TGFBRAP1: variants seen among roughly 807,000 people sequenced by gnomAD.
The protein encoded by TGFBRAP1 is transforming growth factor-beta receptor-associated protein 1.
A neutral mutation model predicts 83.2 loss-of-function variants in TGFBRAP1; 20 were observed. The ratio of observed to expected loss-of-function variants is 0.24; its 90% confidence interval spans 0.17 to 0.35. The LOEUF (loss-of-function observed/expected upper bound fraction) is 0.35. Ranked by LOEUF, TGFBRAP1 falls within the 10% of genes least tolerant of loss-of-function variation. The pLI is 1.00. For missense variants in TGFBRAP1, 950 were observed against 1,099.4 expected, an observed-to-expected ratio of 0.86 and a Z score of 1.92; for synonymous variants, 415 against 459.8, an observed-to-expected ratio of 0.90 and a Z score of 1.25.
At position 105,308,002 on chromosome 2, in the gene TGFBRAP1, G is replaced by A; in HGVS notation, c.300C>T (p.Ser100=). The part of the protein sequence containing the change: ...RLLVLCDNSI[S]LVNMLNLEPV... Reference sequence around the variant, plus strand: ...GCTCGAGGTTCAGCATGTTGACCAGGCTGATGGAGTTGTCACACAGCACCA... The same window carrying A: ...GCTCGAGGTTCAGCATGTTGACCAGACTGATGGAGTTGTCACACAGCACCA... Residue 100 remains serine, a synonymous_variant, in exon 2 of 12, where the codon AGC becomes AGT. Transcript: ENST00000393359. 3 of 1,614,204 alleles carry A rather than the reference G, an allele frequency of 1.9e-6. No homozygotes were observed. The highest frequency in any genetic ancestry group is 2.5e-6 in the Non-Finnish European group (3 of 1,180,042).
chr2:105,321,952 A>T (rs753655926), intron 1 of TGFBRAP1, among the ~76,000 whole-genome samples: 10 of 152,210 alleles, frequency 6.6e-5, no homozygotes, highest in Admixed American at 6.5e-5. Context: ...GCGTACACCT[A>T]CTTATGCAGG....
rs1489776099 is a variant in TGFBRAP1 at position 105,329,704 on chromosome 2, G to GGT, written c.-98_-97insAC. On this transcript the variant is annotated 5_prime_UTR_variant, in exon 1 of 12. Coordinates refer to ENST00000393359, the MANE Select transcript of TGFBRAP1 (RefSeq NM_004257.6). The stretch of plus-strand genomic sequence containing the variant: ...CGCTCCGGCCCGCGGCTCCTGGGCT[G>GGT]GCCCGACCCCGCAGCCGCCGCTTCC... 19 of 146,834 alleles carry GGT rather than the reference G, an allele frequency of 1.3e-4. No homozygotes were observed. Among genetic ancestry groups the GGT allele is most frequent in the African/African-American group, 4.4e-4 (18 of 40,798 alleles). The allele number at this position is 146,834 out of a possible 1,614,324, so 9.1% of individuals were successfully genotyped here.
intron 6 of TGFBRAP1, among the ~76,000 whole-genome samples, chr2:105,279,351 G>C (rs376694042): frequency 1.4e-4 from 22 of 152,194 alleles, no homozygotes; most frequent in African/African-American, 5.1e-4. Flanking sequence ...TCAAACTCCT[G>C]GGCTCAAGCA....
At chr2:105,255,923 A>G in the TGFBRAP1 span, among the ~76,000 whole-genome samples, 1 of 151,434 alleles carries the variant, frequency 6.6e-6, no homozygotes, top group Non-Finnish European at 1.5e-5. Context: ...GTGGCCCTGC[A>G]TGGGATGCTG....
chr2:105,299,050 G>A (rs771163294), intron 2 of TGFBRAP1, among the ~76,000 whole-genome samples: 10 of 152,098 alleles, frequency 6.6e-5, no homozygotes, highest in East Asian at 1.9e-4. Context: ...AGACAGAGGC[G>A]GGCAGATGGT....
At chr2:105,267,588 C>T (rs1409041436) in intron 11 of TGFBRAP1, 29 bp from the exon 12 acceptor site, 1 of 1,613,368 alleles carries the variant, frequency 6.2e-7, no homozygotes, top group Non-Finnish European at 8.5e-7. Context: ...ACTGAGAATG[C>T]TGTCATGTGT....
At chr2:105,258,861 A>G in the TGFBRAP1 span, among the ~76,000 whole-genome samples, 2,654 of 152,250 alleles carry the variant, frequency 0.017, 87 homozygotes, top group African/African-American at 0.062. Context: ...TGGCAGTGGG[A>G]AAAGCTGACC....
At position 105,327,948 on chromosome 2, in the gene TGFBRAP1, T is replaced by A. The variant is rs1679270312; in HGVS notation, c.-18+1677A>T. Among the ~76,000 whole-genome samples the A allele has an allele frequency of 2.6e-5, 4 of 152,194 alleles. No homozygotes were observed. In the South Asian group the frequency reaches 8.3e-4, roughly 31 times the overall value. Reference sequence around the variant, plus strand: ...CCCACAAGTCTAACTCCAGAGTAAATCATTTGTTAGGTTAACAATTACTCA... The same window carrying A: ...CCCACAAGTCTAACTCCAGAGTAAAACATTTGTTAGGTTAACAATTACTCA... On this transcript the variant is annotated intron_variant, in intron 1 of 11. Coordinates refer to ENST00000393359, the MANE Select transcript of TGFBRAP1 (RefSeq NM_004257.6).
rs1676896718 is a variant in TGFBRAP1 at position 105,265,460 on chromosome 2, CTCTG to C, written c.*1919_*1922del. On this transcript the variant is annotated 3_prime_UTR_variant, in exon 12 of 12. Transcript: ENST00000393359. ...CTCCAGCCTGGGTGACAGAGTGAGA[CTCTG>C]TCTGTGTGTTAGGAATGAGAAATTA... 6.6e-6 allele frequency: 1 copy of C among 152,550 alleles called. No individual in the cohort carries two copies. The highest frequency in any genetic ancestry group is 2.1e-4 in the South Asian group (1 of 4,830). The allele number at this position is 152,550 out of a possible 1,614,324, so 9.4% of individuals were successfully genotyped here.
chr2:105,252,046 C>A, the TGFBRAP1 span, among the ~76,000 whole-genome samples: 1 of 150,596 alleles, frequency 6.6e-6, no homozygotes, highest in Admixed American at 6.6e-5. Context: ...AACCAGAGAC[C>A]TTTGTTCACT....
chr2:105,276,562 T>C (rs1243269265), intron 7 of TGFBRAP1, among the ~76,000 whole-genome samples: 1 of 152,210 alleles, frequency 6.6e-6, no homozygotes, highest in Non-Finnish European at 1.5e-5. Flanking sequence ...TACCTTGAAA[T>C]ATGCCATTTT....
intron 1 of TGFBRAP1, among the ~76,000 whole-genome samples, chr2:105,323,925 T>C (rs566880592): frequency 3.9e-5 from 6 of 152,106 alleles, no homozygotes; most frequent in Non-Finnish European, 7.4e-5. Flanking sequence ...CCCATGGGAA[T>C]TGGAGGAGTT....
intron 3 of TGFBRAP1, 101 bp from the exon 4 acceptor site, chr2:105,296,611 A>G: frequency 7.6e-7 from 1 of 1,314,458 alleles, no homozygotes; most frequent in Non-Finnish European, 1.0e-6. Flanking sequence ...TTTGTTCAAC[A>G]ACTTCACCAT....
chr2:105,292,939 C>A (rs891394668), intron 4 of TGFBRAP1, among the ~76,000 whole-genome samples: 1 of 152,008 alleles, frequency 6.6e-6, no homozygotes, highest in African/African-American at 2.4e-5. Context: ...GGAGAACTAT[C>A]CCATGTGACA....
intron 1 of TGFBRAP1, among the ~76,000 whole-genome samples, chr2:105,319,890 AATAT>A (rs1363469724): frequency 6.6e-6 from 1 of 150,794 alleles, no homozygotes. Flanking sequence ...TATATATTGA[AATAT>A]ATATATTTGT....
chr2:105,324,535 T>C (rs1374013705), intron 1 of TGFBRAP1, among the ~76,000 whole-genome samples: 1 of 152,228 alleles, frequency 6.6e-6, no homozygotes, highest in East Asian at 1.9e-4. Flanking sequence ...GAGCCACTTT[T>C]AGAGGTGATT....
At position 105,264,906 on chromosome 2, in the gene TGFBRAP1, C is replaced by T. The variant is rs940300580; in HGVS notation, c.*2477G>A. Reference sequence around the variant, plus strand: ...GTCTGATGGATCTAATTGCTCTATTCGATGGCACAGTTACAAATCAGCAGG... The same window carrying T: ...GTCTGATGGATCTAATTGCTCTATTTGATGGCACAGTTACAAATCAGCAGG... On this transcript the variant is annotated 3_prime_UTR_variant, in exon 12 of 12. Transcript: ENST00000393359. The T allele has an allele frequency of 3.3e-5, 5 of 152,168 alleles. No individual in the cohort carries two copies. Among genetic ancestry groups the T allele is most frequent in the Admixed American group, 2.0e-4 (3 of 15,276 alleles). 9.4% of individuals were successfully genotyped at this position (152,168 alleles called of 1,614,324 possible).
At chr2:105,306,071 T>TGTG (rs1678489240) in intron 2 of TGFBRAP1, among the ~76,000 whole-genome samples, 1 of 119,214 alleles carries the variant, frequency 8.4e-6, no homozygotes, top group Non-Finnish European at 2.0e-5. Context: ...GTTTTTTGTT[T>TGTG]TTTTTTTTTT....
chr2:105,322,090 G>T (rs895589795), intron 1 of TGFBRAP1, among the ~76,000 whole-genome samples: 2 of 152,098 alleles, frequency 1.3e-5, no homozygotes, highest in African/African-American at 4.8e-5. Flanking sequence ...TGTGGAGGTG[G>T]ATGACAGGGA....
Sources: gnomAD v4.1 joint callset for allele counts (sites outside exome capture counted in the v4.1 genomes callset) on GRCh38, gnomAD v4.1.1 for gene constraint, MANE v1.5 for transcripts, NCBI Gene and HGNC (gene_info 2026-07-23, HGNC 2026-07-21) for gene names.